Variants in ULK4 observed in about 807,000 individuals in gnomAD.
ULK4 encodes inactive serine/threonine-protein kinase ULK4.
A neutral mutation model predicts 160.6 loss-of-function variants in ULK4; 133 were observed. The observed-to-expected ratio is 0.83, with a 90% confidence interval of 0.72 to 0.96. The LOEUF (loss-of-function observed/expected upper bound fraction) is 0.96, where lower values mean the gene tolerates loss of function less well. ULK4 is among the 40% of genes least tolerant of loss of function. The pLI is 0.00. For missense variants in ULK4, 1,580 were observed against 1,499.5 expected (o/e 1.05, Z -0.89); for synonymous variants, 534 against 539.8 (o/e 0.99, Z 0.15).
chr3:41,687,238 T>C (rs2036132949), intron 27 of ULK4, among the ~76,000 whole-genome samples: 1 of 151,988 alleles, frequency 6.6e-6, no homozygotes, highest in Non-Finnish European at 1.5e-5. Context: ...CTGGGTATGG[T>C]GGCGCACGCC....
At chr3:41,916,545 T>TGG (rs1698971659) in intron 7 of ULK4, among the ~76,000 whole-genome samples, 1 of 151,946 alleles carries the variant, frequency 6.6e-6, no homozygotes, top group Non-Finnish European at 1.5e-5. Flanking sequence ...TGCACTACCA[T>TGG]GCCTGACTAA....
chr3:41,409,245 G>C (rs1007087415), intron 34 of ULK4, among the ~76,000 whole-genome samples: 6 of 152,084 alleles, frequency 3.9e-5, no homozygotes, highest in Admixed American at 3.3e-4. Flanking sequence ...AACAGAGCAA[G>C]ACTCCATCTC....
In ULK4 at chr3:41,790,684, G is replaced by A. The variant is rs560878613; in HGVS notation, c.2011-841C>T. Among the ~76,000 whole-genome samples the A allele has an allele frequency of 5.3e-5, 8 of 152,278 alleles. No individual in the cohort carries two copies. In the South Asian group the frequency reaches 1.7e-3, roughly 32 times the overall value. Reference sequence around the variant, plus strand: ...AGACGTAAGCTGTCTGATGCAATTAGAACATTTATCAGGTGTAGAAAAAGA... The same window carrying A: ...AGACGTAAGCTGTCTGATGCAATTAAAACATTTATCAGGTGTAGAAAAAGA... On this transcript the variant is annotated intron_variant, in intron 20 of 36. Coordinates refer to ENST00000301831, the MANE Select transcript of ULK4 (RefSeq NM_017886.4).
chr3:41,317,576 C>T (rs2080170564), intron 35 of ULK4, among the ~76,000 whole-genome samples: 1 of 151,904 alleles, frequency 6.6e-6, no homozygotes, highest in South Asian at 2.1e-4. Context: ...AGGAGATGAC[C>T]CAGGCCAGTT....
chr3:41,563,370 T>G (rs1277664842), intron 32 of ULK4, among the ~76,000 whole-genome samples: 3 of 152,172 alleles, frequency 2.0e-5, no homozygotes, highest in Non-Finnish European at 4.4e-5. Flanking sequence ...ATCTTTGTGG[T>G]GTTCTCTGTA....
intron 30 of ULK4, among the ~76,000 whole-genome samples, chr3:41,639,020 C>T (rs1307448319): frequency 6.6e-6 from 1 of 152,126 alleles, no homozygotes; most frequent in Non-Finnish European, 1.5e-5. Flanking sequence ...AAAACAGAAC[C>T]ATGATGCCAA....
intron 23 of ULK4, 81 bp downstream of exon 23, chr3:41,717,647 T>C: frequency 1.3e-6 from 2 of 1,526,030 alleles, no homozygotes; most frequent in East Asian, 4.6e-5. Flanking sequence ...CAAGTAAGAA[T>C]AAAAAAGAAC....
chr3:41,474,832 A>AAG (rs2084091687), intron 32 of ULK4, among the ~76,000 whole-genome samples: 1 of 151,396 alleles, frequency 6.6e-6, no homozygotes, highest in South Asian at 2.1e-4. Context: ...AAAAAAAAAA[A>AAG]AAGAAAACAA....
At chr3:41,826,453 G>C (rs1247467259) in intron 18 of ULK4, among the ~76,000 whole-genome samples, 10 of 151,776 alleles carry the variant, frequency 6.6e-5, no homozygotes, top group Non-Finnish European at 1.5e-4. Flanking sequence ...AAAATAAAGG[G>C]ATGGAGGAAG....
chr3:41,811,629 G>A lies in ULK4; in HGVS notation c.1848+7794C>T, dbSNP rs971535315. 6.6e-5 allele frequency among the ~76,000 whole-genome samples: 10 copies of A among 152,110 alleles called. No individual in the cohort carries two copies. The East Asian group carries it at 7.7e-4, about 12-fold the overall frequency. The stretch of plus-strand genomic sequence containing the variant: ...TATAAATTTTTTGTTCATTATTCAC[G>A]GAATACTAGGTTTGCCATGGGGTAT... On this transcript the variant is annotated intron_variant, in intron 19 of 36. Coordinates refer to ENST00000301831, the MANE Select transcript of ULK4 (RefSeq NM_017886.4).
At chr3:41,863,445 G>A (rs1166428979) in intron 17 of ULK4, among the ~76,000 whole-genome samples, 1 of 150,776 alleles carries the variant, frequency 6.6e-6, no homozygotes, top group Non-Finnish European at 1.5e-5. Context: ...ACCCTCTTTG[G>A]CCATGCTGGT....
intron 35 of ULK4, among the ~76,000 whole-genome samples, chr3:41,367,999 C>T (rs1323963852): frequency 1.3e-5 from 2 of 151,678 alleles, no homozygotes; most frequent in African/African-American, 4.8e-5. Context: ...TCTTTTTGCT[C>T]GTGTATATTC....
At chr3:41,941,601 T>G in intron 2 of ULK4, among the ~76,000 whole-genome samples, 1 of 148,670 alleles carries the variant, frequency 6.7e-6, no homozygotes, top group African/African-American at 2.5e-5. Context: ...AAACTAAAAT[T>G]AAAAAATTAG....
rs114262062 is a variant in ULK4, at chr3:41,866,905, C to T, written c.1656+16969G>A. On this transcript the variant is annotated intron_variant, in intron 17 of 36. Transcript: ENST00000301831. Reference sequence around the variant, plus strand: ...AGTATGAAATTATTCAGATTATCCCCTTAGTATCTTTTAACATACATTAGA... The same window carrying T: ...AGTATGAAATTATTCAGATTATCCCTTTAGTATCTTTTAACATACATTAGA... 6.6e-3 allele frequency among the ~76,000 whole-genome samples: 999 copies of T among 152,242 alleles called. 9 individuals carry two copies. Among genetic ancestry groups the T allele is most frequent in the African/African-American group, 0.023 (965 of 41,532 alleles).
intron 27 of ULK4, among the ~76,000 whole-genome samples, chr3:41,698,290 A>G (rs561273413): frequency 1.3e-5 from 2 of 152,230 alleles, no homozygotes; most frequent in Admixed American, 1.3e-4. Flanking sequence ...AAAATTTGAA[A>G]CTTTTTTTTC....
chr3:41,525,406 C>T (rs2086078246), intron 32 of ULK4, among the ~76,000 whole-genome samples: 1 of 152,208 alleles, frequency 6.6e-6, no homozygotes, highest in Non-Finnish European at 1.5e-5. Context: ...TCCTGATCGG[C>T]TCCCCATCCA....
At chr3:41,827,621 G>A (rs2041408334) in intron 18 of ULK4, among the ~76,000 whole-genome samples, 1 of 152,048 alleles carries the variant, frequency 6.6e-6, no homozygotes, top group Admixed American at 6.6e-5. Flanking sequence ...TCTCTGAATA[G>A]ACCAATAACA....
chr3:41,796,329 G>A (rs980509928), intron 20 of ULK4, among the ~76,000 whole-genome samples: 2 of 151,858 alleles, frequency 1.3e-5, no homozygotes, highest in South Asian at 4.2e-4. Flanking sequence ...GGTGGCTCAC[G>A]CCTGTAATCC....
At chr3:41,595,790 C>G (rs1462512200) in intron 31 of ULK4, among the ~76,000 whole-genome samples, 1 of 152,104 alleles carries the variant, frequency 6.6e-6, no homozygotes, top group Non-Finnish European at 1.5e-5. Flanking sequence ...AAAGTGCAAT[C>G]TCAGTAAAGA....
Sources: gnomAD v4.1 joint callset for allele counts (sites outside exome capture counted in the v4.1 genomes callset) on GRCh38, gnomAD v4.1.1 for gene constraint, MANE v1.5 for transcripts, NCBI Gene and HGNC (gene_info 2026-07-23, HGNC 2026-07-21) for gene names.